The following UBE3C variants were observed in gnomAD, a reference collection of about 807,000 sequenced individuals.
UBE3C encodes ubiquitin protein ligase E3C, also known as ubiquitin-protein ligase E3C.
In UBE3C, 42 loss-of-function variants were observed where a neutral mutation model predicts 129.4. The ratio of observed to expected loss-of-function variants is 0.32; its 90% CI spans 0.25 to 0.42. UBE3C has a LOEUF of 0.42. Among genes scored for constraint, UBE3C ranks in the 10% least tolerant of loss-of-function variants. UBE3C has a pLI of 1.00. For synonymous variants in UBE3C, 510 were observed against 492.4 expected, an observed-to-expected ratio of 1.04 and a Z score of -0.47; for missense variants, 1,049 against 1,319.1, an observed-to-expected ratio of 0.80 and a Z score of 3.17.
At chr7:157,187,232 C>T (rs1338661694) in intron 10 of UBE3C, among the ~76,000 whole-genome samples, 1 of 152,146 alleles carries the variant, frequency 6.6e-6, no homozygotes, top group Non-Finnish European at 1.5e-5. Context: ...CCGTGAGGCT[C>T]TCAAGTACCC....
chr7:157,215,544 G>GTA (rs1436202790), intron 13 of UBE3C, among the ~76,000 whole-genome samples: 1 of 146,092 alleles, frequency 6.8e-6, no homozygotes, highest in Non-Finnish European at 1.5e-5. Context: ...ATATAAATTA[G>GTA]TATATATATA....
intron 19 of UBE3C, among the ~76,000 whole-genome samples, chr7:157,248,831 C>T (rs13226247): frequency 0.09 from 13,746 of 152,178 alleles, 830 homozygotes; most frequent in Non-Finnish European, 0.12. Context: ...GCTCCACTCT[C>T]GAGGCTGCGG....
intron 1 of UBE3C, among the ~76,000 whole-genome samples, chr7:157,140,525 GT>G (rs1807414234): frequency 6.6e-6 from 1 of 152,228 alleles, no homozygotes; most frequent in African/African-American, 2.4e-5. Flanking sequence ...TAATGAAAAT[GT>G]TTTATGAGAT....
At chr7:157,218,550 T>C (rs907396636) in intron 14 of UBE3C, among the ~76,000 whole-genome samples, 4 of 152,168 alleles carry the variant, frequency 2.6e-5, no homozygotes, top group Admixed American at 2.0e-4. Context: ...TCATAAGATA[T>C]TTGTGAGTTA....
chr7:157,237,166 G>A (rs1031434668), intron 18 of UBE3C, among the ~76,000 whole-genome samples: 4 of 152,194 alleles, frequency 2.6e-5, no homozygotes, highest in Admixed American at 2.6e-4. Context: ...TCTCGGCTGG[G>A]TGCAGTGGCT....
intron 13 of UBE3C, among the ~76,000 whole-genome samples, chr7:157,210,151 TGGGCGGTA>T (rs1490966604): frequency 1.3e-5 from 2 of 152,136 alleles, no homozygotes; most frequent in Non-Finnish European, 2.9e-5. Flanking sequence ...CACTCCAGCC[TGGGCGGTA>T]GGGTGACTCT....
chr7:157,183,793 C>T (rs548533331), intron 8 of UBE3C, 85 bp from the exon 9 acceptor site: 51 of 1,472,734 alleles, frequency 3.5e-5, no homozygotes, highest in East Asian at 9.1e-5. Flanking sequence ...TGCCTCTCTG[C>T]GTGTGAGGAA....
At chr7:157,266,512 T>C (rs1443946224) in intron 22 of UBE3C, among the ~76,000 whole-genome samples, 1 of 152,202 alleles carries the variant, frequency 6.6e-6, no homozygotes, top group Non-Finnish European at 1.5e-5. Context: ...CCCACAATGC[T>C]GGGATCGATC....
chr7:157,240,502 C>T (rs1361001081), intron 18 of UBE3C, among the ~76,000 whole-genome samples: 1 of 152,062 alleles, frequency 6.6e-6, no homozygotes, highest in East Asian at 1.9e-4. Flanking sequence ...TGAGACCAGC[C>T]GTGTGGGTTA....
At chr7:157,240,436 C>A (rs1344378369) in intron 18 of UBE3C, among the ~76,000 whole-genome samples, 2 of 152,124 alleles carry the variant, frequency 1.3e-5, no homozygotes, top group African/African-American at 4.8e-5. Flanking sequence ...AATGGAAATA[C>A]AATAGGATTG....
chr7:157,189,586 G>A (rs1808898205), intron 10 of UBE3C, among the ~76,000 whole-genome samples: 1 of 152,170 alleles, frequency 6.6e-6, no homozygotes, highest in African/African-American at 2.4e-5. Context: ...ACATGTAGAT[G>A]AGGCCTGCGG....
intron 1 of UBE3C, among the ~76,000 whole-genome samples, chr7:157,161,995 G>C (rs1395878149): frequency 6.6e-6 from 1 of 151,692 alleles, no homozygotes; most frequent in Non-Finnish European, 1.5e-5. Flanking sequence ...GCTTGAAACC[G>C]GGAGGCAGAG....
At chr7:157,168,516 A>G (rs1353191933) in intron 2 of UBE3C, among the ~76,000 whole-genome samples, 1 of 152,226 alleles carries the variant, frequency 6.6e-6, no homozygotes, top group Non-Finnish European at 1.5e-5. Context: ...CTTAATTCAT[A>G]ATAGACCAAA....
chr7:157,146,886 A>G (rs1444737107), intron 1 of UBE3C, among the ~76,000 whole-genome samples: 1 of 152,058 alleles, frequency 6.6e-6, no homozygotes, highest in African/African-American at 2.4e-5. Context: ...CCTGACCTGA[A>G]GTGATCCGCC....
intron 5 of UBE3C, among the ~76,000 whole-genome samples, chr7:157,177,628 G>A (rs1366293698): frequency 6.6e-6 from 1 of 152,230 alleles, no homozygotes; most frequent in Non-Finnish European, 1.5e-5. Flanking sequence ...ACACCAGTGT[G>A]GTGCTGAGGG....
chr7:157,202,568 A>G (rs574691080), intron 11 of UBE3C, among the ~76,000 whole-genome samples: 182 of 152,274 alleles, frequency 1.2e-3, no homozygotes, highest in Non-Finnish European at 2.0e-3. Flanking sequence ...GAGGCAGGAG[A>G]ATCGCTTAAA....
chr7:157,218,805 T>C (rs893382337), intron 14 of UBE3C, among the ~76,000 whole-genome samples: 1 of 152,138 alleles, frequency 6.6e-6, no homozygotes, highest in African/African-American at 2.4e-5. Flanking sequence ...GGAGCCTGTC[T>C]CTAGCTGGTC....
At chr7:157,205,566 G>C (rs1809409448) in intron 11 of UBE3C, among the ~76,000 whole-genome samples, 2 of 152,244 alleles carry the variant, frequency 1.3e-5, no homozygotes, top group Admixed American at 1.3e-4. Flanking sequence ...GCAGCCCTGT[G>C]CCTTTTTTAT....
At chr7:157,162,154 C>T (rs912556574) in intron 1 of UBE3C, among the ~76,000 whole-genome samples, 2 of 152,116 alleles carry the variant, frequency 1.3e-5, no homozygotes, top group African/African-American at 4.8e-5. Flanking sequence ...CTTAACTACT[C>T]TCTGACACTG....
Sources: gnomAD v4.1 joint callset for allele counts (sites outside exome capture counted in the v4.1 genomes callset) on GRCh38, gnomAD v4.1.1 for gene constraint, MANE v1.5 for transcripts, NCBI Gene and HGNC (gene_info 2026-07-23, HGNC 2026-07-21) for gene names.